The following HMGCS1 variants were observed in gnomAD, a reference collection of about 807,000 sequenced individuals.
HMGCS1 encodes the protein hydroxymethylglutaryl-CoA synthase, cytoplasmic.
Under a neutral mutation model 52.3 loss-of-function variants are expected in HMGCS1, and 9 were observed. That is an observed-to-expected ratio of 0.17 (90% CI 0.10 to 0.30). The LOEUF is 0.30. Among genes scored for constraint, HMGCS1 ranks in the 10% least tolerant of loss-of-function variants. The pLI is 1.00. For synonymous variants in HMGCS1, 176 were observed against 214.4 expected, an observed-to-expected ratio of 0.82 and a Z score of 1.57; for missense variants, 320 against 620.9, an observed-to-expected ratio of 0.52 and a Z score of 5.15.
chr5:43,293,004 ATT>A (rs777301721), intron 8 of HMGCS1, 31 bp from the exon 9 acceptor site: 4 of 1,549,980 alleles, frequency 2.6e-6, no homozygotes, highest in African/African-American at 1.4e-5. Context: ...ACATTAAAAG[ATT>A]TTTTTGAAAA....
In HMGCS1 at chr5:43,291,175, C is replaced by A. The variant is rs1753746806; in HGVS notation, c.1519G>T (p.Ala507Ser). 1 of 1,541,606 alleles carries A rather than the reference C, an allele frequency of 6.5e-7. No homozygotes were observed. Among genetic ancestry groups the A allele is most frequent in the African/African-American group, 1.4e-5 (1 of 72,014 alleles). The change falls in exon 11 of 11, where the codon GCA (alanine) becomes TCA (serine). Residue 507 changes from alanine (A) to serine (S), a missense_variant. Around this residue, in one of 3 missense-constraint regions of HMGCS1, gnomAD observed 213 missense variants for 337.4 expected, o/e 0.63. Transcript: ENST00000325110. ...ATGACAGCTGCTTCAGGTTCTGCTGCTGTGGCAGGGAGTCTTGGTACTTTC... is the reference window on the plus strand; with the variant it reads ...ATGACAGCTGCTTCAGGTTCTGCTGATGTGGCAGGGAGTCTTGGTACTTTC... ...AKKVPRLPAT[A>S]AEPEAAVISN...
chr5:43,294,617 C>A, intron 7 of HMGCS1, 74 bp downstream of exon 7: 1 of 1,114,234 alleles, frequency 9.0e-7, no homozygotes, highest in South Asian at 1.7e-5. Flanking sequence ...ACATGCTTGA[C>A]ACTAGATTTG....
In HMGCS1 at chr5:43,288,626, T is replaced by C. The variant is rs995523477; in HGVS notation, c.*2505A>G. 3.3e-5 allele frequency: 5 copies of C among 152,000 alleles called. No homozygotes were observed. Among genetic ancestry groups the C allele is most frequent in the Non-Finnish European group, 4.4e-5 (3 of 68,006 alleles). 9.4% of individuals were successfully genotyped at this position (152,000 alleles called of 1,614,324 possible). A position where few individuals can be genotyped will look rare whatever the true frequency, so the allele number is the denominator to read the frequency against. On this transcript the variant is annotated 3_prime_UTR_variant, in exon 11 of 11. Coordinates refer to ENST00000325110, the MANE Select transcript of HMGCS1 (RefSeq NM_001098272.3). ...GTGTACAAATAGAGGAAACACACAT[T>C]CCATAAAGGAGAGGGGGAAAGATTG...
At chr5:43,299,511 G>A (rs758252301) in intron 2 of HMGCS1, among the ~76,000 whole-genome samples, 18 of 152,014 alleles carry the variant, frequency 1.2e-4, no homozygotes, top group African/African-American at 2.2e-4. Context: ...TTAGCCGGGC[G>A]TGGTGGCAGA....
At chr5:43,307,033 A>C (rs1447580683) in intron 2 of HMGCS1, among the ~76,000 whole-genome samples, 1 of 152,072 alleles carries the variant, frequency 6.6e-6, no homozygotes, top group Non-Finnish European at 1.5e-5. Context: ...TTACCAGTTG[A>C]AACACATTTG....
intron 2 of HMGCS1, among the ~76,000 whole-genome samples, chr5:43,306,565 A>G (rs1754586375): frequency 6.6e-6 from 1 of 152,210 alleles, no homozygotes; most frequent in Non-Finnish European, 1.5e-5. Context: ...CTGAGCACCA[A>G]CATGATGCTC....
chr5:43,292,514 T>A lies in HMGCS1; in HGVS notation c.1433A>T (p.Asp478Val), dbSNP rs1753825742. 1 of 1,613,868 alleles carries A rather than the reference T, an allele frequency of 6.2e-7. No homozygotes were observed. The highest frequency in any genetic ancestry group is 1.7e-5 in the Admixed American group (1 of 59,986). The change falls in exon 10 of 11, where the codon GAT becomes GTT. Residue 478 changes from aspartate (D) to valine (V), a missense_variant. By Grantham distance (152) the Asp-to-Val change is radical. Transcript: ENST00000325110. ...TGAATGCACAAGTCCTACTCCTTCATCCAAAGTGTCATCATTTGGAGTGGG... is the reference window on the plus strand; with the variant it reads ...TGAATGCACAAGTCCTACTCCTTCAACCAAAGTGTCATCATTTGGAGTGGG... The part of the protein sequence containing the change: ...RRPTPNDDTL[D>V]EGVGLVHSNI...
intron 10 of HMGCS1, 90 bp from the exon 11 acceptor site, chr5:43,291,310 A>T (rs1753755682): frequency 5.0e-6 from 4 of 805,236 alleles, no homozygotes; most frequent in African/African-American, 1.7e-5. Flanking sequence ...AAAGAAACTT[A>T]ATAAAGGACA....
At position 43,291,046 on chromosome 5, in the gene HMGCS1, C is replaced by T; in HGVS notation, c.*85G>A. On this transcript the variant is annotated 3_prime_UTR_variant, in exon 11 of 11. Transcript: ENST00000325110. ...ATAACATGTAATCCTTTAAAATTAT[C>T]CCCAGATATCCCATTCCTCCAACTG... The T allele has an allele frequency of 2.5e-6, 2 of 786,578 alleles. No homozygotes were observed. The highest frequency in any genetic ancestry group is 4.5e-6 in the Non-Finnish European group (2 of 444,548). 48.7% of individuals were successfully genotyped at this position (786,578 alleles called of 1,614,324 possible).
At position 43,303,577 on chromosome 5, in the gene HMGCS1, A is replaced by G. The variant is rs937206250; in HGVS notation, c.-11+4189T>C. 3.8e-4 allele frequency among the ~76,000 whole-genome samples: 58 copies of G among 152,292 alleles called. 2 individuals are homozygous for G. The highest frequency in any genetic ancestry group is 2.1e-4 in the South Asian group (1 of 4,828). ...CAGATTAAATAGTCTGGTCACCTCA[A>G]CTAAGTCCAAGCTCCTTAAGGTCTC... On this transcript the variant is annotated intron_variant, in intron 2 of 10. Transcript: ENST00000325110.
intron 2 of HMGCS1, among the ~76,000 whole-genome samples, chr5:43,300,245 T>C (rs1397484815): frequency 1.3e-5 from 2 of 152,170 alleles, no homozygotes; most frequent in African/African-American, 4.8e-5. Flanking sequence ...AGCTCCTCAG[T>C]TTTAGAGAAA....
chr5:43,307,067 ATTTTTTTT>A (rs59297862), intron 2 of HMGCS1, among the ~76,000 whole-genome samples: 5 of 123,692 alleles, frequency 4.0e-5, no homozygotes, highest in Non-Finnish European at 6.9e-5. Context: ...TTCTCACATA[ATTTTTTTT>A]TTTTTTTTTT....
chr5:43,297,528 C>T (rs1193540595), intron 4 of HMGCS1, among the ~76,000 whole-genome samples: 1 of 152,184 alleles, frequency 6.6e-6, no homozygotes, highest in Non-Finnish European at 1.5e-5. Context: ...ACACCACCTA[C>T]CTCATAAAAC....
intron 2 of HMGCS1, among the ~76,000 whole-genome samples, chr5:43,299,477 G>A (rs552227941): frequency 4.0e-5 from 6 of 151,678 alleles, no homozygotes; most frequent in African/African-American, 9.7e-5. Context: ...GTGAAACCCC[G>A]TCTCTACTAA....
intron 8 of HMGCS1, 110 bp from the exon 9 acceptor site, chr5:43,293,083 A>G (rs1371982872): frequency 2.5e-6 from 2 of 810,980 alleles, no homozygotes; most frequent in South Asian, 1.6e-5. Flanking sequence ...CATTTTCATT[A>G]AAACTACTGG....
In HMGCS1 at chr5:43,312,605, T is replaced by C. The variant is rs545065963; in HGVS notation, c.-70+751A>G. 7.9e-5 allele frequency among the ~76,000 whole-genome samples: 12 copies of C among 152,266 alleles called. No individual in the cohort carries two copies. In the East Asian group the frequency reaches 1.5e-3, roughly 20 times the overall value. ...CTCTGTGAGTGCCTGCCCATTACACTGTATCACCTAAAGCTGGTCCCGAAG... is the reference window on the plus strand; with the variant it reads ...CTCTGTGAGTGCCTGCCCATTACACCGTATCACCTAAAGCTGGTCCCGAAG... On this transcript the variant is annotated intron_variant, in intron 1 of 10. Coordinates refer to ENST00000325110, the MANE Select transcript of HMGCS1 (RefSeq NM_001098272.3).
intron 1 of HMGCS1, among the ~76,000 whole-genome samples, chr5:43,310,247 G>A (rs1173845503): frequency 1.3e-5 from 2 of 152,290 alleles, no homozygotes; most frequent in East Asian, 3.9e-4. Context: ...GCGTATCAGA[G>A]ATTCTACTCA....
At position 43,296,998 on chromosome 5, in the gene HMGCS1, T is replaced by G. The variant is rs1754061841; in HGVS notation, c.739+4A>C. 1.9e-6 allele frequency: 3 copies of G among 1,613,142 alleles called. No homozygotes were observed. Among genetic ancestry groups the G allele is most frequent in the African/African-American group, 2.7e-5 (2 of 74,894 alleles). On this transcript the variant is annotated splice_donor_region_variant and intron_variant, in intron 5 of 10. Transcript: ENST00000325110. ...CAAAACCAAGGAAAATGGGTAAAAC[T>G]TACCTTTCTGCCACTGGGCATGGAT...
At chr5:43,309,277 C>A (rs1343667433) in intron 1 of HMGCS1, among the ~76,000 whole-genome samples, 3 of 151,648 alleles carry the variant, frequency 2.0e-5, no homozygotes, top group Admixed American at 2.0e-4. Context: ...CCTCTGTCAC[C>A]CAGACTGGAA....
Sources: gnomAD v4.1 joint callset for allele counts (sites outside exome capture counted in the v4.1 genomes callset) on GRCh38, gnomAD v4.1.1 for gene constraint, gnomAD v4.1.1 regional missense constraint, MANE v1.5 for transcripts, NCBI Gene and HGNC (gene_info 2026-07-23, HGNC 2026-07-21) for gene names.